The following MSH3 variants were observed in gnomAD, a reference collection of about 807,000 sequenced individuals.
MSH3 encodes mutS homolog 3.
In MSH3, 106 loss-of-function variants were observed where a neutral mutation model predicts 123.3. The observed-to-expected ratio is 0.86, with a 90% CI of 0.73 to 1.01. MSH3 has a LOEUF of 1.01. MSH3 is among the 50% of genes least tolerant of loss of function. The probability of loss-of-function intolerance (pLI) is 0.00; values close to 1 mark genes in which losing one functional copy is unlikely to be tolerated. For missense variants in MSH3, 1,459 were observed against 1,347.6 expected, an observed-to-expected ratio of 1.08 and a Z score of -1.29; for synonymous variants, 515 against 481.4, an observed-to-expected ratio of 1.07 and a Z score of -0.91.
chr5:80,831,790 A>T (rs1274205364), intron 20 of MSH3, among the ~76,000 whole-genome samples: 1 of 152,084 alleles, frequency 6.6e-6, no homozygotes, highest in East Asian at 1.9e-4. Context: ...CAGTTTCAGA[A>T]AGCACACAAA....
intron 2 of MSH3, among the ~76,000 whole-genome samples, chr5:80,661,696 G>C (rs1384671208): frequency 6.6e-6 from 1 of 152,182 alleles, no homozygotes; most frequent in African/African-American, 2.4e-5. Flanking sequence ...TCCCTTGACA[G>C]ATTTTTCCTA....
intron 12 of MSH3, among the ~76,000 whole-genome samples, chr5:80,754,294 A>G (rs1743886123): frequency 6.6e-6 from 1 of 152,202 alleles, no homozygotes. Context: ...TTATATATAT[A>G]TATATGAAAT....
Position 80,835,109 on chromosome 5 carries a change from C to T in MSH3, c.2814-19021C>T, listed in dbSNP as rs186862658. On this transcript the variant is annotated intron_variant, in intron 20 of 23. Transcript: ENST00000265081. The stretch of plus-strand genomic sequence containing the variant: ...CATCAGACAAGCTCTTCCCTTCTGT[C>T]AAAAGAGAAGAACCATTGGAGAAAG... 1.2e-3 allele frequency among the ~76,000 whole-genome samples: 190 copies of T among 152,192 alleles called. 1 individual carries two copies. The highest frequency in any genetic ancestry group is 4.3e-3 in the African/African-American group (177 of 41,518).
chr5:80,672,286 A>G lies in MSH3; in HGVS notation c.835A>G (p.Asn279Asp), dbSNP rs1308267295. ...CAATATTTATTGCCATTTAGATCACAACTTTATGACAGCAAGTATACCTAC... is the reference window on the plus strand; with the variant it reads ...CAATATTTATTGCCATTTAGATCACGACTTTATGACAGCAAGTATACCTAC... ...ELNIYCHLDH[N>D]FMTASIPTHR... The change falls in exon 5 of 24, where the codon AAC becomes GAC. Residue 279 changes from asparagine (N) to aspartate (D), a missense_variant. By Grantham distance (23) the Asn-to-Asp change is conservative. Coordinates refer to ENST00000265081, the MANE Select transcript of MSH3 (RefSeq NM_002439.5). 1 of 1,614,038 alleles carries G rather than the reference A, an allele frequency of 6.2e-7. No individual in the cohort carries two copies. Among genetic ancestry groups the G allele is most frequent in the Non-Finnish European group, 8.5e-7 (1 of 1,179,940 alleles).
intron 8 of MSH3, among the ~76,000 whole-genome samples, chr5:80,681,207 A>G (rs544465382): frequency 6.6e-6 from 1 of 152,160 alleles, no homozygotes; most frequent in Non-Finnish European, 1.5e-5. Flanking sequence ...TTTTCTGACC[A>G]TGTGTTCAAA....
chr5:80,776,964 T>C (rs1459497789), intron 16 of MSH3, among the ~76,000 whole-genome samples: 2 of 149,598 alleles, frequency 1.3e-5, no homozygotes, highest in Non-Finnish European at 3.0e-5. Flanking sequence ...CAGAGTCTCT[T>C]TTCGTCAGCC....
At chr5:80,808,502 C>T (rs914926415) in intron 19 of MSH3, among the ~76,000 whole-genome samples, 1 of 152,158 alleles carries the variant, frequency 6.6e-6, no homozygotes, top group Non-Finnish European at 1.5e-5. Context: ...CTCTCACTCA[C>T]TCACCACTTA....
At chr5:80,715,836 T>C (rs1750949125) in intron 8 of MSH3, among the ~76,000 whole-genome samples, 1 of 152,170 alleles carries the variant, frequency 6.6e-6, no homozygotes, top group African/African-American at 2.4e-5. Context: ...TCCACTCCCA[T>C]GATCCAGTCA....
intron 8 of MSH3, among the ~76,000 whole-genome samples, chr5:80,719,724 T>C (rs1042517699): frequency 2.0e-5 from 3 of 152,268 alleles, no homozygotes; most frequent in Non-Finnish European, 4.4e-5. Context: ...TTAGGTACTA[T>C]ACCTTCTTTC....
chr5:80,767,286 C>T (rs951043850), intron 13 of MSH3, among the ~76,000 whole-genome samples: 4 of 152,028 alleles, frequency 2.6e-5, no homozygotes, highest in African/African-American at 4.8e-5. Flanking sequence ...TTTTTTATTA[C>T]GAAGACATGC....
intron 8 of MSH3, among the ~76,000 whole-genome samples, chr5:80,695,492 G>A (rs1750458910): frequency 6.6e-6 from 1 of 151,896 alleles, no homozygotes; most frequent in South Asian, 2.1e-4. Context: ...CTGCCACCAC[G>A]CCCAGCTAAT....
At chr5:80,777,398 C>G (rs1355188224) in intron 16 of MSH3, among the ~76,000 whole-genome samples, 1 of 151,524 alleles carries the variant, frequency 6.6e-6, no homozygotes, top group African/African-American at 2.4e-5. Flanking sequence ...TGTCCTGTAC[C>G]ACAGCTAATG....
At chr5:80,726,669 A>G (rs962116860) in intron 9 of MSH3, among the ~76,000 whole-genome samples, 8 of 152,106 alleles carry the variant, frequency 5.3e-5, no homozygotes, top group South Asian at 2.1e-4. Flanking sequence ...GGGTTTTGCC[A>G]TGTTGCCTAG....
chr5:80,858,644 G>C (rs1745959369), intron 21 of MSH3, among the ~76,000 whole-genome samples: 1 of 152,106 alleles, frequency 6.6e-6, no homozygotes, highest in Non-Finnish European at 1.5e-5. Context: ...CTTTCTTGGT[G>C]AATGTTCCAT....
chr5:80,721,912 G>C (rs1751089486), intron 8 of MSH3, among the ~76,000 whole-genome samples: 1 of 152,022 alleles, frequency 6.6e-6, no homozygotes, highest in Admixed American at 6.6e-5. Context: ...TTGTGTTTCT[G>C]TGTTTTCTGT....
At chr5:80,800,460 G>T (rs1363175899) in intron 19 of MSH3, among the ~76,000 whole-genome samples, 1 of 152,162 alleles carries the variant, frequency 6.6e-6, no homozygotes, top group Non-Finnish European at 1.5e-5. Context: ...CCTGCCGATA[G>T]ATTTTATGTG....
intron 20 of MSH3, among the ~76,000 whole-genome samples, chr5:80,840,644 G>A (rs1745604397): frequency 6.6e-6 from 1 of 152,062 alleles, no homozygotes; most frequent in Non-Finnish European, 1.5e-5. Context: ...TGTGCACAAC[G>A]TACAGGTTTG....
intron 8 of MSH3, among the ~76,000 whole-genome samples, chr5:80,699,223 G>T (rs1467429607): frequency 6.6e-6 from 1 of 152,160 alleles, no homozygotes; most frequent in Middle Eastern, 3.2e-3. Context: ...TCTCCTATTT[G>T]TTTTTCTTAA....
At chr5:80,720,280 G>A (rs1372522600) in intron 8 of MSH3, among the ~76,000 whole-genome samples, 1 of 152,106 alleles carries the variant, frequency 6.6e-6, no homozygotes, top group African/African-American at 2.4e-5. Flanking sequence ...TATGTGATGT[G>A]TTTTTTAAAT....
Sources: allele counts gnomAD v4.1 joint callset (sites outside exome capture counted in the v4.1 genomes callset), GRCh38; gene constraint gnomAD v4.1.1; transcripts MANE v1.5; gene names NCBI Gene and HGNC (gene_info 2026-07-23, HGNC 2026-07-21).